The following DHRSX variants were observed in gnomAD, a reference collection of about 807,000 sequenced individuals.
The protein encoded by DHRSX is polyprenol dehydrogenase.
In DHRSX, 31 loss-of-function variants were observed where a neutral mutation model predicts 34.0. The ratio of observed to expected loss-of-function variants is 0.91; its 90% confidence interval spans 0.69 to 1.23. The LOEUF is 1.23. Among genes scored for constraint, DHRSX ranks in the 50% most tolerant of loss-of-function variants. The pLI, the probability that DHRSX is intolerant of heterozygous loss-of-function variation, is 0.00. For synonymous variants in DHRSX, 201 were observed against 183.8 expected, an observed-to-expected ratio of 1.09 and a Z score of -0.76; for missense variants, 414 against 428.1, an observed-to-expected ratio of 0.97 and a Z score of 0.29.
intron 1 of DHRSX, among the ~76,000 whole-genome samples, chrX:2,432,848 G>A (rs899951662): frequency 6.6e-5 from 10 of 152,276 alleles, no homozygotes; most frequent in South Asian, 6.2e-4. Context: ...AAAACAGGCC[G>A]GGCAGTGGCT....
chrX:2,432,743 A>G (rs1356426582), intron 1 of DHRSX, among the ~76,000 whole-genome samples: 1 of 152,262 alleles, frequency 6.6e-6, no homozygotes, highest in Non-Finnish European at 1.5e-5. Flanking sequence ...AGCAGGAATC[A>G]TTAGTTTAAC....
intron 3 of DHRSX, among the ~76,000 whole-genome samples, chrX:2,313,788 T>C (rs1845007116): frequency 6.6e-6 from 1 of 152,156 alleles, no homozygotes; most frequent in African/African-American, 2.4e-5. Flanking sequence ...CGAGAACATG[T>C]ACCCCAGGTG....
intron 3 of DHRSX, among the ~76,000 whole-genome samples, chrX:2,403,118 A>G (rs2043507992): frequency 6.6e-6 from 1 of 152,032 alleles, no homozygotes; most frequent in Non-Finnish European, 1.5e-5. Flanking sequence ...CCTGACCTCA[A>G]GTCATCCACC....
intron 4 of DHRSX, among the ~76,000 whole-genome samples, chrX:2,270,267 G>A (rs182413184): frequency 2.0e-5 from 3 of 152,078 alleles, no homozygotes; most frequent in East Asian, 1.9e-4. Context: ...CTGGCTCCTC[G>A]CCGGCTCAGC....
chrX:2,389,126 G>A (rs1314574369), intron 3 of DHRSX, among the ~76,000 whole-genome samples: 1 of 152,156 alleles, frequency 6.6e-6, no homozygotes, highest in African/African-American at 2.4e-5. Flanking sequence ...TAGAAGCGCC[G>A]CAGGTGGTCT....
intron 4 of DHRSX, among the ~76,000 whole-genome samples, chrX:2,289,221 G>A (rs925088874): frequency 1.4e-4 from 21 of 151,656 alleles, no homozygotes; most frequent in Non-Finnish European, 4.4e-5. Flanking sequence ...AGGTTCAAGC[G>A]ATTCTCCTGC....
intron 5 of DHRSX, among the ~76,000 whole-genome samples, chrX:2,245,792 C>CT (rs2016265232): frequency 6.8e-6 from 1 of 147,290 alleles, no homozygotes; most frequent in South Asian, 2.1e-4. Flanking sequence ...CCTGTCTCTA[C>CT]TAAAAAAAAA....
intron 1 of DHRSX, among the ~76,000 whole-genome samples, chrX:2,430,462 G>T (rs909118188): frequency 6.6e-5 from 10 of 152,130 alleles, no homozygotes; most frequent in African/African-American, 2.4e-4. Flanking sequence ...TCTGCAGATG[G>T]GGAACATGTT....
chrX:2,312,089 G>C (rs2042171363), intron 3 of DHRSX, among the ~76,000 whole-genome samples: 1 of 152,108 alleles, frequency 6.6e-6, no homozygotes, highest in South Asian at 2.1e-4. Context: ...GTATCTGTCT[G>C]CTAAAGGTGC....
intron 3 of DHRSX, among the ~76,000 whole-genome samples, chrX:2,344,799 C>T (rs907993793): frequency 6.7e-6 from 1 of 148,796 alleles, no homozygotes; most frequent in Admixed American, 6.7e-5. Context: ...CCCACCATGG[C>T]ACATGTATAC....
intron 5 of DHRSX, among the ~76,000 whole-genome samples, chrX:2,263,036 G>A (rs1400875868): frequency 6.6e-6 from 1 of 152,248 alleles, no homozygotes; most frequent in Non-Finnish European, 1.5e-5. Flanking sequence ...GGGCCTGGGG[G>A]TGGGGAGGGC....
At chrX:2,275,953 C>T (rs886114906) in intron 4 of DHRSX, among the ~76,000 whole-genome samples, 1 of 152,050 alleles carries the variant, frequency 6.6e-6, no homozygotes, top group Admixed American at 6.6e-5. Context: ...CAGAAATTCT[C>T]CTGCCTCAGG....
intron 1 of DHRSX, among the ~76,000 whole-genome samples, chrX:2,484,198 C>G (rs906350553): frequency 2.6e-5 from 4 of 152,150 alleles, no homozygotes; most frequent in Non-Finnish European, 1.5e-5. Context: ...GTCTTGAACT[C>G]CTGACCTCAG....
intron 3 of DHRSX, among the ~76,000 whole-genome samples, chrX:2,407,202 A>G (rs904684418): frequency 6.6e-6 from 1 of 152,182 alleles, no homozygotes; most frequent in African/African-American, 2.4e-5. Context: ...GTCGAGTCCA[A>G]TTTGCTGGGT....
intron 1 of DHRSX, among the ~76,000 whole-genome samples, chrX:2,460,582 CT>C (rs71281906): frequency 1.5e-3 from 164 of 111,850 alleles, no homozygotes; most frequent in Admixed American, 2.7e-3. Context: ...CCACGTCTGG[CT>C]TTTTTTTTTT....
At chrX:2,479,260 T>A (rs1309633914) in intron 1 of DHRSX, among the ~76,000 whole-genome samples, 1 of 146,206 alleles carries the variant, frequency 6.8e-6, no homozygotes, top group Non-Finnish European at 1.5e-5. Context: ...ACCACCACCA[T>A]GTACACACTG....
chrX:2,376,326 T>C lies in DHRSX; in HGVS notation c.286+32419A>G, dbSNP rs2043140623. 1.5e-5 allele frequency among the ~76,000 whole-genome samples: 2 copies of C among 137,194 alleles called. 1 individual carries two copies. Among genetic ancestry groups the C allele is most frequent in the Non-Finnish European group, 3.4e-5 (2 of 58,034 alleles). The allele number at this position is 137,194 out of a possible 152,430, so 90.0% of individuals were successfully genotyped here. On this transcript the variant is annotated intron_variant, in intron 3 of 6. Transcript: ENST00000334651. ...CATAAACGAAAGCACAAAAGGGAAA[T>C]GTCAGAAAGAAACCAGCAAAGGAAG... is the stretch of plus-strand genomic sequence containing the variant.
chrX:2,407,991 T>C (rs1215154708), intron 3 of DHRSX, among the ~76,000 whole-genome samples: 1 of 152,202 alleles, frequency 6.6e-6, no homozygotes, highest in Non-Finnish European at 1.5e-5. Flanking sequence ...AGATGGATAT[T>C]AGAAAGTTGT....
intron 3 of DHRSX, among the ~76,000 whole-genome samples, chrX:2,360,054 C>G (rs2042909160): frequency 6.6e-6 from 1 of 152,044 alleles, no homozygotes; most frequent in Non-Finnish European, 1.5e-5. Context: ...GCACCTGTAT[C>G]CCTGAACTTA....
Sources: gnomAD v4.1 joint callset for allele counts (sites outside exome capture counted in the v4.1 genomes callset) on GRCh38, gnomAD v4.1.1 for gene constraint, MANE v1.5 for transcripts, NCBI Gene and HGNC (gene_info 2026-07-23, HGNC 2026-07-21) for gene names.